The following NDE1 variants were observed in gnomAD, a reference collection of about 807,000 sequenced individuals.
NDE1 encodes the protein nuclear distribution protein nudE homolog 1.
Under a neutral mutation model 43.4 loss-of-function variants are expected in NDE1, and 28 were observed. The observed-to-expected ratio is 0.65, with a 90% CI of 0.48 to 0.89. The LOEUF (loss-of-function observed/expected upper bound fraction) is 0.89. NDE1 is among the 40% of genes least tolerant of loss of function. The pLI is 0.00. For missense variants in NDE1, 441 were observed against 434.1 expected (o/e 1.02, Z -0.14); for synonymous variants, 184 against 172.0 (o/e 1.07, Z -0.55).
intron 8 of NDE1, chr16:15,699,567 G>A (rs1386845979): frequency 2.5e-6 from 3 of 1,187,684 alleles, no homozygotes; most frequent in Admixed American, 7.2e-5. Context: ...TGAGAGCCAG[G>A]TAGCCAGTGT....
chr16:15,662,418 G>A (rs2037093611), intron 1 of NDE1, among the ~76,000 whole-genome samples: 1 of 151,636 alleles, frequency 6.6e-6, no homozygotes, highest in South Asian at 2.1e-4. Flanking sequence ...GAGTAGCTGG[G>A]ACTACAGGCA....
chr16:15,720,238 C>T lies in NDE1; in HGVS notation c.948-3953C>T, dbSNP rs538928013. ...GCTCCAGGTCTTTCAGGTCCCCTTC[C>T]AGCTTCTTCTTTGCTGCAGCTGCCA... is the stretch of plus-strand genomic sequence containing the variant. On this transcript the variant is annotated intron_variant, in intron 8 of 8. Transcript: ENST00000396354. 6 of 1,614,152 alleles carry T rather than the reference C, an allele frequency of 3.7e-6. No homozygotes were observed. Among genetic ancestry groups the T allele is most frequent in the Non-Finnish European group, 5.1e-6 (6 of 1,180,016 alleles).
At chr16:15,678,496 C>T (rs927552161) in intron 4 of NDE1, among the ~76,000 whole-genome samples, 3 of 152,066 alleles carry the variant, frequency 2.0e-5, no homozygotes, top group Non-Finnish European at 4.4e-5. Context: ...TCCTGAGTAG[C>T]TGGAATTACA....
chr16:15,685,463 C>G (rs1161673507), intron 4 of NDE1, among the ~76,000 whole-genome samples: 3 of 152,114 alleles, frequency 2.0e-5, no homozygotes, highest in Admixed American at 6.5e-5. Context: ...ATTACCCAGG[C>G]TGGTCTTGAA....
intron 1 of NDE1, among the ~76,000 whole-genome samples, chr16:15,650,641 C>G (rs1197136932): frequency 6.6e-6 from 1 of 152,224 alleles, no homozygotes; most frequent in Non-Finnish European, 1.5e-5. Context: ...TCCGGGACTT[C>G]CTGGGTGGTT....
intron 3 of NDE1, among the ~76,000 whole-genome samples, chr16:15,674,076 C>T (rs946218750): frequency 6.6e-6 from 1 of 152,098 alleles, no homozygotes; most frequent in African/African-American, 2.4e-5. Flanking sequence ...TGGAGGCCAG[C>T]ACAGAATAAG....
intron 3 of NDE1, among the ~76,000 whole-genome samples, chr16:15,673,851 A>G (rs892955393): frequency 2.0e-5 from 3 of 152,156 alleles, no homozygotes; most frequent in East Asian, 3.9e-4. Context: ...CAGGAATAGA[A>G]TCGAGAGAGC....
Position 15,692,117 on chromosome 16 carries a change from C to T in NDE1, c.703+794C>T, listed in dbSNP as rs199717122. 9.9e-5 allele frequency among the ~76,000 whole-genome samples: 15 copies of T among 152,052 alleles called. No individual in the cohort carries two copies. In the East Asian group the frequency reaches 2.3e-3, roughly 24 times the overall value. On this transcript the variant is annotated intron_variant, in intron 6 of 8. Transcript: ENST00000396354. ...CCCCAGCCCCTCTGCTGACAGCTTCCGATCAGGCCTTTTACAGCAGATATT... is the reference window on the plus strand; with the variant it reads ...CCCCAGCCCCTCTGCTGACAGCTTCTGATCAGGCCTTTTACAGCAGATATT...
At chr16:15,650,723 C>A (rs2036457860) in intron 1 of NDE1, among the ~76,000 whole-genome samples, 1 of 152,124 alleles carries the variant, frequency 6.6e-6, no homozygotes, top group African/African-American at 2.4e-5. Context: ...CCCCATACTC[C>A]TCTCCTAGAT....
intron 8 of NDE1, chr16:15,700,316 C>G (rs1016433331): frequency 1.2e-5 from 2 of 161,512 alleles, no homozygotes; most frequent in African/African-American, 2.4e-5. Context: ...CCAGTGTGGT[C>G]TTGAACTCCT....
chr16:15,687,515 AG>A lies in NDE1; in HGVS notation c.523+6del. On this transcript the variant is annotated splice_donor_5th_base_variant and intron_variant, in intron 5 of 8. Coordinates refer to ENST00000396354, the MANE Select transcript of NDE1 (RefSeq NM_017668.3). ...AGACTGAAGGATGAAGCCAGAGGTC[AG>A]GAGGCCTTGGTGTCTTCACCAGCAT... 1 of 1,613,346 alleles carries A rather than the reference AG, an allele frequency of 6.2e-7. No homozygotes were observed. The highest frequency in any genetic ancestry group is 8.5e-7 in the Non-Finnish European group (1 of 1,179,422).
chr16:15,694,178 C>T lies in NDE1; in HGVS notation c.717C>T (p.Ser239=), dbSNP rs766326565. 6 of 1,612,786 alleles carry T rather than the reference C, an allele frequency of 3.7e-6. No homozygotes were observed. In the African/African-American group the frequency reaches 5.3e-5, roughly 14 times the overall value. ...TTGCACACCCAGGCCTGGACGACTC[C>T]ACCGGGGGGACCCCCCTCACACCTG... The part of the protein sequence containing the change: ...PGSFRRGLDD[S]TGGTPLTPAA... Residue 239 remains serine (S), a synonymous_variant, in exon 7 of 9, where the codon TCC becomes TCT. Transcript: ENST00000396354.
rs1249350790 is a variant in NDE1 at position 15,703,471 on chromosome 16, CAG to C, written c.947+6612_947+6613del. 1.5e-4 allele frequency: 37 copies of C among 241,266 alleles called. 1 individual carries two copies. Among genetic ancestry groups the C allele is most frequent in the Non-Finnish European group, 2.5e-4 (31 of 122,258 alleles). 14.9% of individuals were successfully genotyped at this position (241,266 alleles called of 1,614,324 possible). ...CCGTGGATATGTTTTTCTAAAAACT[CAG>C]TGTCTGCACAATCCATTGATAGAAC... On this transcript the variant is annotated intron_variant, in intron 8 of 8. Transcript: ENST00000396354.
chr16:15,664,026 G>A (rs1295178653), intron 1 of NDE1, among the ~76,000 whole-genome samples: 1 of 152,078 alleles, frequency 6.6e-6, no homozygotes, highest in East Asian at 1.9e-4. Flanking sequence ...CTGAGATCAC[G>A]CCACTGCACT....
intron 2 of NDE1, among the ~76,000 whole-genome samples, 200 bp downstream of exon 2, chr16:15,665,061 T>G (rs1159845493): frequency 1.4e-5 from 2 of 145,290 alleles, no homozygotes. Context: ...AGGCCAGGCT[T>G]TTTTTTTTTT....
chr16:15,725,080 A>C lies in NDE1; in HGVS notation c.*829A>C. On this transcript the variant is annotated 3_prime_UTR_variant, in exon 9 of 9. Coordinates refer to ENST00000396354, the MANE Select transcript of NDE1 (RefSeq NM_017668.3). The stretch of plus-strand genomic sequence containing the variant: ...CCTTTTTACTCAAAACACATGGGCT[A>C]GTACTTGAGGTGTTCACTGATTGAG... 1 of 1,049,536 alleles carries C rather than the reference A, an allele frequency of 9.5e-7. No homozygotes were observed. The highest frequency in any genetic ancestry group is 1.4e-6 in the Non-Finnish European group (1 of 695,630). The allele number at this position is 1,049,536 out of a possible 1,614,324, so 65.0% of individuals were successfully genotyped here. A position where few individuals can be genotyped will look rare whatever the true frequency, so the allele number is the denominator to read the frequency against.
intron 3 of NDE1, among the ~76,000 whole-genome samples, chr16:15,674,639 CTG>C (rs1221845997): frequency 3.3e-5 from 5 of 152,172 alleles, no homozygotes; most frequent in Non-Finnish European, 5.9e-5. Flanking sequence ...GAATAATTGA[CTG>C]TTGTGTAAAC....
At chr16:15,662,279 T>G (rs2037083780) in intron 1 of NDE1, among the ~76,000 whole-genome samples, 1 of 149,086 alleles carries the variant, frequency 6.7e-6, no homozygotes, top group South Asian at 2.1e-4. Context: ...CTTTCTCTTT[T>G]CTTTTTTTTT....
chr16:15,714,609 G>T, intron 8 of NDE1: 1 of 533,624 alleles, frequency 1.9e-6, no homozygotes, highest in Non-Finnish European at 3.4e-6. Flanking sequence ...CAATGAAGGA[G>T]GGGCTGGAGG....
Sources: allele counts gnomAD v4.1 joint callset (sites outside exome capture counted in the v4.1 genomes callset), GRCh38; gene constraint gnomAD v4.1.1; transcripts MANE v1.5; gene names NCBI Gene and HGNC (gene_info 2026-07-23, HGNC 2026-07-21).